The following CFAP206 variants were observed in gnomAD, a reference collection of about 807,000 sequenced individuals.
The protein encoded by CFAP206 is cilia- and flagella-associated protein 206.
In CFAP206, 53 loss-of-function variants were observed where a neutral mutation model predicts 65.4. The observed-to-expected ratio is 0.81, with a 90% confidence interval of 0.65 to 1.02. CFAP206 has a LOEUF of 1.02. Among genes scored for constraint, CFAP206 ranks in the 50% least tolerant of loss-of-function variants. The probability of loss-of-function intolerance (pLI) is 0.00; values close to 1 mark genes in which losing one functional copy is unlikely to be tolerated. For synonymous variants in CFAP206, 250 were observed against 254.4 expected (o/e 0.98, Z 0.17); for missense variants, 663 against 753.2 (o/e 0.88, Z 1.40).
chr6:87,446,575 AC>A (rs1337035281), intron 11 of CFAP206, among the ~76,000 whole-genome samples: 1 of 152,172 alleles, frequency 6.6e-6, no homozygotes, highest in Non-Finnish European at 1.5e-5. Context: ...TTGTACCAGT[AC>A]CATGCTGTTT....
chr6:87,408,830 T>C (rs1003620827), intron 1 of CFAP206: 1 of 152,248 alleles, frequency 6.6e-6, no homozygotes, highest in Non-Finnish European at 1.5e-5. Context: ...GCAATCTGGT[T>C]TCACTGGACA....
chr6:87,464,069 A>G lies in CFAP206; in HGVS notation c.1688A>G (p.His563Arg), dbSNP rs759911748. 1.2e-6 allele frequency: 2 copies of G among 1,614,026 alleles called. No homozygotes were observed. Among genetic ancestry groups the G allele is most frequent in the South Asian group, 1.1e-5 (1 of 91,090 alleles). ...CACTCAGTACAAACTGATCTTAGTCACTTGAGAAGAGAAAATTGTTCCCAA... is the reference window on the plus strand; with the variant it reads ...CACTCAGTACAAACTGATCTTAGTCGCTTGAGAAGAGAAAATTGTTCCCAA... Reference protein sequence around the residue: ...VTHSVQTDLSHLRRENCSQVY... With the variant: ...VTHSVQTDLSRLRRENCSQVY... The change falls in exon 13 of 13, where the codon CAC (histidine) becomes CGC (arginine). Residue 563 changes from histidine to arginine, a missense_variant. By Grantham distance (29) the His-to-Arg change is conservative. Transcript: ENST00000369562.
At chr6:87,416,600 G>A (rs1317600226) in intron 5 of CFAP206, 69 bp from the exon 6 acceptor site, 13 of 1,413,794 alleles carry the variant, frequency 9.2e-6, no homozygotes, top group African/African-American at 1.4e-5. Flanking sequence ...AAAGAAAAAC[G>A]TTATTTAACG....
chr6:87,432,133 C>G (rs1048474658), intron 10 of CFAP206, among the ~76,000 whole-genome samples: 3 of 152,032 alleles, frequency 2.0e-5, no homozygotes, highest in African/African-American at 7.3e-5. Flanking sequence ...ACGCCATTAA[C>G]CTTATTTTTC....
intron 6 of CFAP206, 147 bp downstream of exon 6, chr6:87,416,974 T>C: frequency 1.4e-6 from 1 of 702,078 alleles, no homozygotes; most frequent in Non-Finnish European, 2.3e-6. Context: ...AACTACTGTT[T>C]ATAATGTGTA....
chr6:87,440,156 A>G (rs1380918328), intron 11 of CFAP206, among the ~76,000 whole-genome samples: 1 of 152,168 alleles, frequency 6.6e-6, no homozygotes, highest in East Asian at 1.9e-4. Flanking sequence ...AATATTTCCT[A>G]TCAAAGAATT....
At chr6:87,431,204 T>C in intron 10 of CFAP206, 31 bp downstream of exon 10, 1 of 1,592,022 alleles carries the variant, frequency 6.3e-7, no homozygotes, top group South Asian at 1.1e-5. Context: ...CTGCTCTCCT[T>C]TCCCCGATTT....
At chr6:87,444,164 T>A (rs771477413) in intron 11 of CFAP206, among the ~76,000 whole-genome samples, 3 of 152,210 alleles carry the variant, frequency 2.0e-5, no homozygotes, top group Non-Finnish European at 2.9e-5. Flanking sequence ...TAAAAAGTGT[T>A]TAAAGTTTGT....
chr6:87,414,779 C>T (rs1166514573), intron 4 of CFAP206, among the ~76,000 whole-genome samples: 1 of 152,114 alleles, frequency 6.6e-6, no homozygotes, highest in African/African-American at 2.4e-5. Flanking sequence ...TGATGTTTCT[C>T]TTTGTTAGTT....
chr6:87,453,319 G>C (rs1768577914), intron 11 of CFAP206, among the ~76,000 whole-genome samples: 2 of 152,120 alleles, frequency 1.3e-5, no homozygotes, highest in Non-Finnish European at 2.9e-5. Context: ...GACCTGTTCT[G>C]CAAGAAAAGT....
chr6:87,439,108 C>A (rs552296163), intron 11 of CFAP206, among the ~76,000 whole-genome samples: 6 of 152,106 alleles, frequency 3.9e-5, no homozygotes, highest in African/African-American at 1.4e-4. Flanking sequence ...TAAGTTTCCC[C>A]AAAAAATCTT....
chr6:87,421,944 C>A (rs572436053), intron 7 of CFAP206, among the ~76,000 whole-genome samples: 1 of 152,028 alleles, frequency 6.6e-6, no homozygotes, highest in Non-Finnish European at 1.5e-5. Flanking sequence ...AGATTCCATT[C>A]TAATTTCTGC....
intron 10 of CFAP206, among the ~76,000 whole-genome samples, chr6:87,433,078 T>C (rs994936413): frequency 1.3e-5 from 2 of 152,220 alleles, no homozygotes; most frequent in African/African-American, 4.8e-5. Flanking sequence ...TGTTGAACAG[T>C]TGAAGCCCAC....
At chr6:87,439,996 T>C (rs904695821) in intron 11 of CFAP206, among the ~76,000 whole-genome samples, 1 of 152,186 alleles carries the variant, frequency 6.6e-6, no homozygotes, top group Admixed American at 6.5e-5. Context: ...TCTTTACTTT[T>C]ATAAATTTGA....
chr6:87,418,509 G>T (rs1767877168), intron 7 of CFAP206, 93 bp downstream of exon 7: 10 of 1,018,704 alleles, frequency 9.8e-6, no homozygotes, highest in Non-Finnish European at 1.5e-5. Flanking sequence ...TAATTAAGGA[G>T]AAAACCTCAG....
intron 7 of CFAP206, among the ~76,000 whole-genome samples, chr6:87,423,230 T>C (rs1308530948): frequency 7.9e-6 from 1 of 126,130 alleles, no homozygotes; most frequent in Non-Finnish European, 1.6e-5. Context: ...TAGAATATTT[T>C]TTTATTTTTA....
intron 11 of CFAP206, among the ~76,000 whole-genome samples, chr6:87,456,052 CA>C (rs982082695): frequency 6.6e-6 from 1 of 152,128 alleles, no homozygotes; most frequent in Non-Finnish European, 1.5e-5. Context: ...AAAGACACAT[CA>C]ACAAAGGAAA....
intron 11 of CFAP206, among the ~76,000 whole-genome samples, chr6:87,443,816 A>G (rs916917654): frequency 2.0e-5 from 3 of 151,992 alleles, no homozygotes; most frequent in Non-Finnish European, 4.4e-5. Context: ...TGTTGTTGCC[A>G]TCTTGATGTC....
chr6:87,452,444 A>C (rs1226559228), intron 11 of CFAP206, among the ~76,000 whole-genome samples: 1 of 152,186 alleles, frequency 6.6e-6, no homozygotes, highest in East Asian at 1.9e-4. Flanking sequence ...CAGAAGCATC[A>C]AGACCATCCA....
Sources: gnomAD v4.1 joint callset for allele counts (sites outside exome capture counted in the v4.1 genomes callset) on GRCh38, gnomAD v4.1.1 for gene constraint, MANE v1.5 for transcripts, NCBI Gene and HGNC (gene_info 2026-07-23, HGNC 2026-07-21) for gene names.